The following PCDHGA12 variants were observed in gnomAD, a reference collection of about 807,000 sequenced individuals.
The protein encoded by PCDHGA12 is protocadherin gamma subfamily A, 12.
PCDHGA12 carries 43 observed loss-of-function variants against 61.1 expected under a neutral mutation model. The ratio of observed to expected loss-of-function variants is 0.70; its 90% confidence interval spans 0.55 to 0.91. PCDHGA12 has a LOEUF of 0.91. Among genes scored for constraint, PCDHGA12 ranks in the 40% least tolerant of loss-of-function variants. The pLI, the probability that PCDHGA12 is intolerant of heterozygous loss-of-function variation, is 0.00. For missense variants in PCDHGA12, 1,236 were observed against 1,227.7 expected, an observed-to-expected ratio of 1.01 and a Z score of -0.10; for synonymous variants, 520 against 542.9, an observed-to-expected ratio of 0.96 and a Z score of 0.59.
chr5:141,472,529 G>C lies in PCDHGA12; in HGVS notation c.2425-22278G>C, dbSNP rs553065027. 9.3e-5 allele frequency among the ~76,000 whole-genome samples: 14 copies of C among 151,058 alleles called. No individual in the cohort carries two copies. In the East Asian group the frequency reaches 2.6e-3, roughly 28 times the overall value. ...CACTCCAGCCTGGGTGACAGAGTGA[G>C]ACACCATCTCAAGAAAAAAAAAATT... On this transcript the variant is annotated intron_variant, in intron 1 of 3. Transcript: ENST00000252085.
intron 3 of PCDHGA12, 96 bp downstream of exon 3, chr5:141,505,577 G>C: frequency 2.5e-6 from 4 of 1,589,854 alleles, no homozygotes; most frequent in Non-Finnish European, 3.4e-6. Flanking sequence ...TGTCAAACCT[G>C]TGTAGTTTCT....
chr5:141,444,470 C>T (rs1275997551), intron 1 of PCDHGA12, among the ~76,000 whole-genome samples: 2 of 152,058 alleles, frequency 1.3e-5, no homozygotes, highest in African/African-American at 2.4e-5. Flanking sequence ...TGCGCCCGGT[C>T]GCGTACTGGA....
rs36031641 is a variant in PCDHGA12 at position 141,434,771 on chromosome 5, T to TA, written c.2424+1601dup. ...CCCCTGATTCCCCACTTCACACTTCTAAAAAAAAAAAAATTTTTTTTTCTG... is the reference window on the plus strand; with the variant it reads ...CCCCTGATTCCCCACTTCACACTTCTAAAAAAAAAAAAAATTTTTTTTTCTG... On this transcript the variant is annotated intron_variant, in intron 1 of 3. Coordinates refer to ENST00000252085, the MANE Select transcript of PCDHGA12 (RefSeq NM_003735.3). Among the ~76,000 whole-genome samples, 71 of 145,288 alleles carry TA rather than the reference T, an allele frequency of 4.9e-4. 1 individual carries two copies. The highest frequency in any genetic ancestry group is 3.6e-3 in the Middle Eastern group (1 of 278).
chr5:141,493,204 C>T lies in PCDHGA12; in HGVS notation c.2425-1603C>T, dbSNP rs2099746929. Among the ~76,000 whole-genome samples, 1 of 152,216 alleles carries T rather than the reference C, an allele frequency of 6.6e-6. No individual in the cohort carries two copies. Among genetic ancestry groups the T allele is most frequent in the Non-Finnish European group, 1.5e-5 (1 of 68,042 alleles). Reference sequence around the variant, plus strand: ...TATATAACTCCTTTGAGAACCTCATCTCATTTGCTCTTCCCACCATTGCTG... The same window carrying T: ...TATATAACTCCTTTGAGAACCTCATTTCATTTGCTCTTCCCACCATTGCTG... On this transcript the variant is annotated intron_variant, in intron 1 of 3. Transcript: ENST00000252085. This position sits in a 1 kb window ranked among gnomAD's most constrained non-coding sequence, Gnocchi z 4.3.
rs186638311 is a variant in PCDHGA12, at chr5:141,492,901, T to C, written c.2425-1906T>C. 3.7e-3 allele frequency among the ~76,000 whole-genome samples: 568 copies of C among 152,326 alleles called. 5 individuals carry two copies. The highest frequency in any genetic ancestry group is 0.011 in the Admixed American group (163 of 15,308). On this transcript the variant is annotated intron_variant, in intron 1 of 3. Coordinates refer to ENST00000252085, the MANE Select transcript of PCDHGA12 (RefSeq NM_003735.3). ...GAGATACAGGCTTTTGGCGCCGTCG[T>C]GATCACAATGTGCCCAGCGATCTAG...
chr5:141,449,098 G>A (rs1314761371), intron 1 of PCDHGA12, among the ~76,000 whole-genome samples: 1 of 152,140 alleles, frequency 6.6e-6, no homozygotes, highest in Admixed American at 6.5e-5. Context: ...TTTTACATAT[G>A]CAGTATATCT....
intron 1 of PCDHGA12, among the ~76,000 whole-genome samples, chr5:141,464,151 G>A (rs2099076865): frequency 6.6e-6 from 1 of 151,818 alleles, no homozygotes; most frequent in Non-Finnish European, 1.5e-5. Flanking sequence ...TGTAGTCCCA[G>A]CTACTTGGAA....
intron 1 of PCDHGA12, among the ~76,000 whole-genome samples, chr5:141,474,651 C>T (rs2099352565): frequency 6.6e-6 from 1 of 152,178 alleles, no homozygotes; most frequent in South Asian, 2.1e-4. Flanking sequence ...ATCCTTACTT[C>T]TTTTCTACCT....
intron 2 of PCDHGA12, among the ~76,000 whole-genome samples, chr5:141,503,388 A>C (rs1456500896): frequency 6.6e-6 from 1 of 152,004 alleles, no homozygotes; most frequent in East Asian, 1.9e-4. Flanking sequence ...TGAGGTCAGG[A>C]GTTCGAAACC....
chr5:141,431,474 G>T lies in PCDHGA12; in HGVS notation c.715G>T (p.Ala239Ser), dbSNP rs747313827. 3.7e-6 allele frequency: 6 copies of T among 1,613,842 alleles called. No homozygotes were observed. The South Asian group carries it at 6.6e-5, about 18-fold the overall frequency. ...GATGGTTCTGGATGCGAACGACAAC[G>T]CACCAGCGTTTGCTCAGCCCGAGTA... is the stretch of plus-strand genomic sequence containing the variant. Reference protein sequence around the residue: ...RVMVLDANDNAPAFAQPEYRA... With the variant: ...RVMVLDANDNSPAFAQPEYRA... The change falls in exon 1 of 4, where the codon GCA becomes TCA. Residue 239 changes from alanine (A) to serine (S), a missense_variant. Transcript: ENST00000252085. The surrounding 1 kb of genome is among the most constrained non-coding windows in gnomAD (Gnocchi z 4.8).
chr5:141,468,763 G>A (rs1341363934), intron 1 of PCDHGA12, among the ~76,000 whole-genome samples: 1 of 152,078 alleles, frequency 6.6e-6, no homozygotes, highest in Non-Finnish European at 1.5e-5. Flanking sequence ...CTACTCGGGA[G>A]GCTGAGGCAG....
Position 141,486,885 on chromosome 5 carries a change from G to A in PCDHGA12, c.2425-7922G>A, listed in dbSNP as rs139638334. On this transcript the variant is annotated intron_variant, in intron 1 of 3. Transcript: ENST00000252085. The surrounding 1 kb of genome is among the most constrained non-coding windows in gnomAD (Gnocchi z 5.0). ...CCAGCTGTGCTCCGTCCTCGGGCCC[G>A]GCCTGGTTCCTTATGTCCCCAAGCA... is the stretch of plus-strand genomic sequence containing the variant. 16 of 1,614,076 alleles carry A rather than the reference G, an allele frequency of 9.9e-6. No individual in the cohort carries two copies. The highest frequency in any genetic ancestry group is 1.6e-4 in the Middle Eastern group (1 of 6,084).
At position 141,486,408 on chromosome 5, in the gene PCDHGA12, C is replaced by G; in HGVS notation, c.2425-8399C>G. The G allele has an allele frequency of 1.2e-6, 2 of 1,614,156 alleles. No homozygotes were observed. The highest frequency in any genetic ancestry group is 1.7e-6 in the Non-Finnish European group (2 of 1,180,014). Reference sequence around the variant, plus strand: ...CAGTTCTCCCTGGTGACTGCTGGACCCTTGGATCGAGAGGCCAAATCTAGC... The same window carrying G: ...CAGTTCTCCCTGGTGACTGCTGGACGCTTGGATCGAGAGGCCAAATCTAGC... On this transcript the variant is annotated intron_variant, in intron 1 of 3. Transcript: ENST00000252085. This position sits in a 1 kb window ranked among gnomAD's most constrained non-coding sequence, Gnocchi z 5.0.
At chr5:141,440,155 A>C (rs1250255277) in intron 1 of PCDHGA12, 1 of 152,238 alleles carries the variant, frequency 6.6e-6, no homozygotes, top group Non-Finnish European at 1.5e-5. Flanking sequence ...CCCCAATTAT[A>C]GCTTGGGCCA....
Position 141,485,064 on chromosome 5 carries a change from G to C in PCDHGA12, c.2425-9743G>C, listed in dbSNP as rs1205637757. On this transcript the variant is annotated intron_variant, in intron 1 of 3. Transcript: ENST00000252085. The surrounding 1 kb of genome is among the most constrained non-coding windows in gnomAD (Gnocchi z 5.7). ...TTGCGGCGCCGGCCGAACCGCGCCA[G>C]AGCTGGCGCGGGGAAAGGGAGATAG... The C allele has an allele frequency of 4.9e-5, 43 of 882,320 alleles. No individual in the cohort carries two copies. The highest frequency in any genetic ancestry group is 7.4e-5 in the Non-Finnish European group (41 of 557,230). 54.7% of individuals were successfully genotyped at this position (882,320 alleles called of 1,614,324 possible).
In PCDHGA12 at chr5:141,430,836, C is replaced by T; in HGVS notation, c.77C>T (p.Thr26Ile). The change falls in exon 1 of 4, where the codon ACC (threonine) becomes ATC (isoleucine). Residue 26 changes from threonine to isoleucine, a missense_variant. Transcript: ENST00000252085. ...LGILLGTLWE[T>I]GCTQIRYSVP... ...ATCCTCCTGGGGACTCTGTGGGAGACCGGATGCACCCAGATACGCTATTCA... is the reference window on the plus strand; with the variant it reads ...ATCCTCCTGGGGACTCTGTGGGAGATCGGATGCACCCAGATACGCTATTCA... The T allele has an allele frequency of 6.4e-7, 1 of 1,558,936 alleles. No homozygotes were observed. Among genetic ancestry groups the T allele is most frequent in the South Asian group, 1.2e-5 (1 of 80,590 alleles).
chr5:141,487,889 T>C lies in PCDHGA12; in HGVS notation c.2425-6918T>C, dbSNP rs984668596. On this transcript the variant is annotated intron_variant, in intron 1 of 3. Transcript: ENST00000252085. The surrounding 1 kb of genome is among the most constrained non-coding windows in gnomAD (Gnocchi z 5.0). ...CAAGAGCCAGGCTGTTGTGGAAGCA[T>C]GATGATGGAATGTGGGAGCACAGGA... 6.7e-6 allele frequency: 5 copies of C among 747,180 alleles called. No homozygotes were observed. The highest frequency in any genetic ancestry group is 1.1e-5 in the Non-Finnish European group (5 of 464,054). The allele number at this position is 747,180 out of a possible 1,614,324, so 46.3% of individuals were successfully genotyped here. A position where few individuals can be genotyped will look rare whatever the true frequency, so the allele number is the denominator to read the frequency against.
chr5:141,441,195 A>C (rs1160365905), intron 1 of PCDHGA12: 1 of 152,224 alleles, frequency 6.6e-6, no homozygotes, highest in Non-Finnish European at 1.5e-5. Context: ...TGATTCCCAA[A>C]GATTCTGCAC....
intron 2 of PCDHGA12, 54 bp from the exon 3 acceptor site, chr5:141,505,339 G>A: frequency 1.2e-6 from 2 of 1,612,236 alleles, no homozygotes; most frequent in Middle Eastern, 3.4e-4. Flanking sequence ...GACAGGAGGG[G>A]CATGAGCTGT....
Sources: gnomAD v4.1 joint callset for allele counts (sites outside exome capture counted in the v4.1 genomes callset) on GRCh38, gnomAD v4.1.1 for gene constraint, Gnocchi (gnomAD v3.1) non-coding constraint, MANE v1.5 for transcripts, NCBI Gene and HGNC (gene_info 2026-07-23, HGNC 2026-07-21) for gene names.